The following KNSTRN variants were observed in gnomAD, a reference collection of about 807,000 sequenced individuals.
KNSTRN encodes kinetochore localized astrin (SPAG5) binding protein.
In KNSTRN, 38 loss-of-function variants were observed where a neutral mutation model predicts 44.7. That is an observed-to-expected ratio of 0.85 (90% CI 0.66 to 1.11). KNSTRN has a LOEUF of 1.11. Ranked by LOEUF, KNSTRN falls within the 50% of genes most tolerant of loss-of-function variation. The pLI, the probability that KNSTRN is intolerant of heterozygous loss-of-function variation, is 0.00. For synonymous variants in KNSTRN, 158 were observed against 148.1 expected (o/e 1.07, Z -0.48); for missense variants, 406 against 375.8 (o/e 1.08, Z -0.66).
At chr15:40,385,869 G>T (rs562034245) in intron 2 of KNSTRN, among the ~76,000 whole-genome samples, 3 of 152,156 alleles carry the variant, frequency 2.0e-5, no homozygotes, top group Non-Finnish European at 2.9e-5. Context: ...GTACTGTCAC[G>T]TTTAAATAAT....
chr15:40,383,199 C>G (rs1408803641), intron 1 of KNSTRN, 29 bp from the exon 2 acceptor site: 1 of 1,607,982 alleles, frequency 6.2e-7, no homozygotes, highest in Non-Finnish European at 8.5e-7. Context: ...TGGCCCAGCG[C>G]TGGGTAACAT....
chr15:40,383,304 A>C lies in KNSTRN; in HGVS notation c.286A>C (p.Ser96Arg). ...TAGCCTGCAGCCCCCCTCTGCGCTG[A>C]GCGGCGGCCAGCCGGCAGGTGAGGG... ...VYSLQPPSALSGGQPADTQTR... is the reference protein window; with the variant it reads ...VYSLQPPSALRGGQPADTQTR... Residue 96 changes from serine (S) to arginine (R), a missense_variant, in exon 2 of 9, where the codon AGC (serine) becomes CGC (arginine). Ser to Arg is a moderately radical substitution (Grantham distance 110). Transcript: ENST00000249776. 6.2e-7 allele frequency: 1 copy of C among 1,611,972 alleles called. No homozygotes were observed. The highest frequency in any genetic ancestry group is 1.1e-5 in the South Asian group (1 of 91,048).
At chr15:40,383,206 A>G (rs1336609973) in intron 1 of KNSTRN, 22 bp from the exon 2 acceptor site, 2 of 1,610,566 alleles carry the variant, frequency 1.2e-6, no homozygotes, top group Middle Eastern at 1.7e-4. Context: ...GCGCTGGGTA[A>G]CATTCATCCT....
rs574957344 is a variant in KNSTRN at position 40,383,233 on chromosome 15, A to G, written c.215A>G (p.Gln72Arg). 1.4e-5 allele frequency: 23 copies of G among 1,613,908 alleles called. No homozygotes were observed. Among genetic ancestry groups the G allele is most frequent in the South Asian group, 2.2e-5 (2 of 91,082 alleles). Residue 72 changes from glutamine (Q) to arginine (R), a missense_variant, in exon 2 of 9, where the codon CAG becomes CGG. Coordinates refer to ENST00000249776, the MANE Select transcript of KNSTRN (RefSeq NM_033286.4). ...CGQDRRAPGV[Q>R]PCRLVTMTSV... ...ATTCATCCTGTACCTTCCAGGGTTC[A>G]GCCGTGCCGCCTCGTTACGATGACC... is the stretch of plus-strand genomic sequence containing the variant.
intron 7 of KNSTRN, 181 bp downstream of exon 7, chr15:40,391,735 G>A: frequency 3.0e-6 from 2 of 666,768 alleles, no homozygotes; most frequent in Non-Finnish European, 5.1e-6. Flanking sequence ...AGGTAGCTTT[G>A]TGCTTACAAA....
At chr15:40,393,149 A>G in intron 8 of KNSTRN, 1 of 1,602,158 alleles carries the variant, frequency 6.2e-7, no homozygotes, top group Non-Finnish European at 8.5e-7. Flanking sequence ...ACTCAAGGAG[A>G]AGACCTGTAG....
chr15:40,393,478 G>A lies in KNSTRN; in HGVS notation c.832G>A (p.Val278Ile). 1 of 1,613,310 alleles carries A rather than the reference G, an allele frequency of 6.2e-7. No individual in the cohort carries two copies. The highest frequency in any genetic ancestry group is 8.5e-7 in the Non-Finnish European group (1 of 1,179,716). Residue 278 changes from valine to isoleucine, a missense_variant, in exon 9 of 9, where the codon GTA (valine) becomes ATA (isoleucine). By Grantham distance (29) the Val-to-Ile change is conservative. Transcript: ENST00000249776. ...ATGTCTTTCCATGCAGGCCTTAAAGGTAAAGCTGGAGATGAAAGAGGAAAG... is the reference window on the plus strand; with the variant it reads ...ATGTCTTTCCATGCAGGCCTTAAAGATAAAGCTGGAGATGAAAGAGGAAAG... ...KQMEELQALK[V>I]KLEMKEERVR... is the part of the protein sequence containing the mutation.
At chr15:40,389,275 A>T (rs1298384023) in intron 4 of KNSTRN, 2 of 502,644 alleles carry the variant, frequency 4.0e-6, no homozygotes, top group African/African-American at 3.9e-5. Context: ...CAGCCTCCCA[A>T]ATACCTGGGA....
chr15:40,386,843 T>C, intron 3 of KNSTRN: 1 of 518,770 alleles, frequency 1.9e-6, no homozygotes, highest in African/African-American at 1.9e-5. Flanking sequence ...CCAGCCCTAG[T>C]GTGTGTGTAT....
In KNSTRN at chr15:40,382,778, G is replaced by A. The variant is rs1889826644; in HGVS notation, c.-58G>A. Reference sequence around the variant, plus strand: ...CCCTCCTCCTCTGCCCAGACCTGGGGGCTCCAACACCTTTCGCTAGGTCTG... The same window carrying A: ...CCCTCCTCCTCTGCCCAGACCTGGGAGCTCCAACACCTTTCGCTAGGTCTG... On this transcript the variant is annotated 5_prime_UTR_variant, in exon 1 of 9. Transcript: ENST00000249776. 4.0e-6 allele frequency: 6 copies of A among 1,494,576 alleles called. No homozygotes were observed. The highest frequency in any genetic ancestry group is 2.4e-5 in the South Asian group (2 of 84,358). The allele number at this position is 1,494,576 out of a possible 1,614,324, so 92.6% of individuals were successfully genotyped here.
At position 40,391,945 on chromosome 15, in the gene KNSTRN, T is replaced by C. The variant is rs1360859627; in HGVS notation, c.748-4T>C. 3 of 1,603,276 alleles carry C rather than the reference T, an allele frequency of 1.9e-6. No individual in the cohort carries two copies. The highest frequency in any genetic ancestry group is 2.5e-6 in the Non-Finnish European group (3 of 1,176,720). On this transcript the variant is annotated splice_polypyrimidine_tract_variant and splice_region_variant and intron_variant, in intron 7 of 8. Transcript: ENST00000249776. ...TTGTTTACTACATTGTGCTTTCCTC[T>C]TAGTTGCTGTTAGAAACTTTGCAAG...
At position 40,382,769 on chromosome 15, in the gene KNSTRN, A is replaced by G; in HGVS notation, c.-67A>G. The stretch of plus-strand genomic sequence containing the variant: ...ATTGCATCACCCTCCTCCTCTGCCC[A>G]GACCTGGGGGCTCCAACACCTTTCG... On this transcript the variant is annotated 5_prime_UTR_variant, in exon 1 of 9. Coordinates refer to ENST00000249776, the MANE Select transcript of KNSTRN (RefSeq NM_033286.4). The G allele has an allele frequency of 7.0e-7, 1 of 1,437,306 alleles. No homozygotes were observed. The highest frequency in any genetic ancestry group is 9.6e-7 in the Non-Finnish European group (1 of 1,046,700). 89.0% of individuals were successfully genotyped at this position (1,437,306 alleles called of 1,614,324 possible). A position where few individuals can be genotyped will look rare whatever the true frequency, so the allele number is the denominator to read the frequency against.
chr15:40,385,497 G>C (rs1468877645), intron 2 of KNSTRN, among the ~76,000 whole-genome samples: 2 of 152,180 alleles, frequency 1.3e-5, no homozygotes, highest in Non-Finnish European at 2.9e-5. Flanking sequence ...TTTAGAGATG[G>C]TCTGTGAAAC....
intron 8 of KNSTRN, 79 bp from the exon 9 acceptor site, chr15:40,393,390 C>T (rs980454084): frequency 3.8e-6 from 6 of 1,592,896 alleles, no homozygotes; most frequent in Non-Finnish European, 5.1e-6. Context: ...GCATAATGTT[C>T]TGATGTGGGA....
chr15:40,387,530 A>G (rs1889923176), intron 4 of KNSTRN, among the ~76,000 whole-genome samples: 1 of 152,148 alleles, frequency 6.6e-6, no homozygotes, highest in Admixed American at 6.5e-5. Context: ...GGCTGGGTGT[A>G]TGTAGTTAGT....
At chr15:40,384,550 T>G in intron 2 of KNSTRN, 1 of 453,466 alleles carries the variant, frequency 2.2e-6, no homozygotes. Context: ...TTCCCTTAGA[T>G]GCGGTGCCCC....
In KNSTRN at chr15:40,383,294, CT is replaced by C; in HGVS notation, c.277del (p.Ser93LeufsTer3). On this transcript the variant is annotated frameshift_variant, in exon 2 of 9. Coordinates refer to ENST00000249776, the MANE Select transcript of KNSTRN (RefSeq NM_033286.4). LOFTEE classifies it high-confidence loss of function. ...AGACAGTGTATAGCCTGCAGCCCCC[CT>C]CTGCGCTGAGCGGCGGCCAGCCGGC... is the stretch of plus-strand genomic sequence containing the variant. Reference protein sequence around the residue: ...VKTVYSLQPPSALSGGQPADT... With the variant: ...VKTVYSLQPPXALSGGQPADT... 6.2e-7 allele frequency: 1 copy of C among 1,613,478 alleles called. No homozygotes were observed. Among genetic ancestry groups the C allele is most frequent in the Non-Finnish European group, 8.5e-7 (1 of 1,179,560 alleles).
intron 3 of KNSTRN, 149 bp downstream of exon 3, chr15:40,386,643 C>T (rs1889907662): frequency 1.4e-6 from 1 of 727,254 alleles, no homozygotes; most frequent in Non-Finnish European, 2.2e-6. Context: ...TTGCTGAGCT[C>T]TGTGCCAGAA....
chr15:40,386,918 A>G, intron 3 of KNSTRN: 1 of 574,374 alleles, frequency 1.7e-6, no homozygotes, highest in Non-Finnish European at 3.1e-6. Flanking sequence ...CCATCTTGAG[A>G]GGAACAGCTC....
Sources: gnomAD v4.1 joint callset for allele counts (sites outside exome capture counted in the v4.1 genomes callset) on GRCh38, gnomAD v4.1.1 for gene constraint, MANE v1.5 for transcripts, NCBI Gene and HGNC (gene_info 2026-07-23, HGNC 2026-07-21) for gene names.